PNLIP: variants seen among roughly 807,000 people sequenced by gnomAD.
The protein encoded by PNLIP is pancreatic lipase.
In PNLIP, 49 loss-of-function variants were observed where a neutral mutation model predicts 57.1. The ratio of observed to expected loss-of-function variants is 0.86; its 90% CI spans 0.68 to 1.09. The LOEUF (loss-of-function observed/expected upper bound fraction) is 1.09. Among genes scored for constraint, PNLIP ranks in the 50% least tolerant of loss-of-function variants. The pLI is 0.00. For missense variants in PNLIP, 503 were observed against 570.2 expected, an observed-to-expected ratio of 0.88 and a Z score of 1.20; for synonymous variants, 209 against 200.4, an observed-to-expected ratio of 1.04 and a Z score of -0.36.
chr10:116,556,258 T>C (rs1847252798), intron 9 of PNLIP, 140 bp downstream of exon 9: 2 of 610,286 alleles, frequency 3.3e-6, no homozygotes, highest in Non-Finnish European at 5.9e-6. Context: ...TGTATTTAAA[T>C]AGTGATAAAT....
intron 3 of PNLIP, among the ~76,000 whole-genome samples, chr10:116,547,923 G>C (rs1339888039): frequency 2.6e-5 from 4 of 151,706 alleles, no homozygotes; most frequent in African/African-American, 9.7e-5. Flanking sequence ...TATTATTCTT[G>C]TCCTTCCTCT....
chr10:116,556,160 T>C (rs747758825), intron 9 of PNLIP, 42 bp downstream of exon 9: 17 of 1,102,750 alleles, frequency 1.5e-5, no homozygotes, highest in Admixed American at 1.2e-4. Flanking sequence ...TTTGTGACTG[T>C]CACTTCTCAT....
Position 116,546,226 on chromosome 10 carries a change from A to G in PNLIP, c.46+88A>G, listed in dbSNP as rs906238044. The G allele has an allele frequency of 2.7e-5, 29 of 1,090,854 alleles. No homozygotes were observed. The South Asian group carries it at 2.9e-4, about 11-fold the overall frequency. The allele number at this position is 1,090,854 out of a possible 1,614,324, so 67.6% of individuals were successfully genotyped here. On this transcript the variant is annotated intron_variant, in intron 2 of 12. Transcript: ENST00000369221. Reference sequence around the variant, plus strand: ...AGGGCAGCTGAATTCAGGCCGCAGTAATAACATGAAGATTTACTTCAAGGA... The same window carrying G: ...AGGGCAGCTGAATTCAGGCCGCAGTGATAACATGAAGATTTACTTCAAGGA...
chr10:116,559,079 C>A, intron 9 of PNLIP, 75 bp from the exon 10 acceptor site: 2 of 1,536,374 alleles, frequency 1.3e-6, no homozygotes, highest in Non-Finnish European at 1.7e-6. Flanking sequence ...ATTTGAATGG[C>A]GACAACATGT....
chr10:116,548,253 A>G, intron 3 of PNLIP, 107 bp from the exon 4 acceptor site: 1 of 1,025,306 alleles, frequency 9.8e-7, no homozygotes, highest in Non-Finnish European at 1.4e-6. Flanking sequence ...ATTATTCACA[A>G]GGATCCTGAA....
At chr10:116,554,323 T>C (rs572815292) in intron 6 of PNLIP, among the ~76,000 whole-genome samples, 27 of 152,342 alleles carry the variant, frequency 1.8e-4, no homozygotes, top group African/African-American at 6.3e-4. Flanking sequence ...CTGAAATTTG[T>C]ATAACTAATT....
At position 116,561,475 on chromosome 10, in the gene PNLIP, C is replaced by A. The variant is rs1385113437; in HGVS notation, c.1173C>A (p.Gly391=). The A allele has an allele frequency of 1.9e-6, 3 of 1,609,564 alleles. No individual in the cohort carries two copies. The highest frequency in any genetic ancestry group is 1.7e-5 in the Admixed American group (1 of 59,368). ...TGTTAACTTCTTAAATCCTTAGGGGCACTCTCAAACCAGATAGTACTCATT... is the reference window on the plus strand; with the variant it reads ...TGTTAACTTCTTAAATCCTTAGGGGAACTCTCAAACCAGATAGTACTCATT... ...GNSKQYEIFK[G]TLKPDSTHSN... Residue 391 remains glycine, a synonymous_variant, in exon 12 of 13, where the codon GGC becomes GGA. Transcript: ENST00000369221.
At chr10:116,549,534 C>A (rs1847168203) in intron 4 of PNLIP, among the ~76,000 whole-genome samples, 1 of 151,934 alleles carries the variant, frequency 6.6e-6, no homozygotes, top group East Asian at 1.9e-4. Flanking sequence ...AGTTTCAGGT[C>A]TGCCTCTGGC....
intron 11 of PNLIP, 53 bp from the exon 12 acceptor site, chr10:116,561,419 A>G: frequency 7.5e-7 from 1 of 1,325,562 alleles, no homozygotes. Flanking sequence ...ATATATATGT[A>G]TATATTTACA....
At chr10:116,551,392 T>A in intron 5 of PNLIP, 160 bp downstream of exon 5, 1 of 485,544 alleles carries the variant, frequency 2.1e-6, no homozygotes, top group Non-Finnish European at 3.3e-6. Context: ...AAAAAAAATC[T>A]AGCTTTGGGT....
At chr10:116,556,663 C>A (rs1221134820) in intron 9 of PNLIP, among the ~76,000 whole-genome samples, 2 of 150,700 alleles carry the variant, frequency 1.3e-5, no homozygotes, top group Non-Finnish European at 1.5e-5. Context: ...TAAATGTGTG[C>A]TGTAGTGGCT....
At chr10:116,557,569 C>T (rs1377139112) in intron 9 of PNLIP, among the ~76,000 whole-genome samples, 2 of 152,196 alleles carry the variant, frequency 1.3e-5, no homozygotes, top group East Asian at 3.9e-4. Flanking sequence ...ATTCTTCTGG[C>T]TCTAGCAATG....
chr10:116,552,841 G>A (rs1442112962), intron 5 of PNLIP, among the ~76,000 whole-genome samples: 2 of 152,024 alleles, frequency 1.3e-5, no homozygotes, highest in African/African-American at 2.4e-5. Context: ...AGCTGAGATC[G>A]TGCCACTGCA....
intron 6 of PNLIP, 74 bp from the exon 7 acceptor site, chr10:116,555,104 C>T: frequency 1.3e-6 from 2 of 1,516,710 alleles, no homozygotes; most frequent in Non-Finnish European, 1.8e-6. Context: ...CCTTTCCATG[C>T]ATAACTCATA....
At chr10:116,549,145 T>C (rs1298117924) in intron 4 of PNLIP, among the ~76,000 whole-genome samples, 1 of 152,168 alleles carries the variant, frequency 6.6e-6, no homozygotes, top group African/African-American at 2.4e-5. Flanking sequence ...TGACCTGCTG[T>C]CGCACAAAGG....
intron 12 of PNLIP, among the ~76,000 whole-genome samples, chr10:116,561,859 T>C (rs1243674730): frequency 1.3e-5 from 2 of 152,194 alleles, no homozygotes; most frequent in Non-Finnish European, 2.9e-5. Flanking sequence ...ACAAATTAAA[T>C]GTTAGAATGA....
At chr10:116,565,249 C>CAAAA (rs71010093) in intron 12 of PNLIP, among the ~76,000 whole-genome samples, 1,234 of 33,136 alleles carry the variant, frequency 0.037, 218 homozygotes, top group African/African-American at 0.07. Context: ...GACAATGTCT[C>CAAAA]AAAAAAAAAA....
intron 6 of PNLIP, 115 bp downstream of exon 6, chr10:116,553,953 A>G (rs1589556241): frequency 3.7e-6 from 2 of 537,908 alleles, no homozygotes; most frequent in Non-Finnish European, 6.4e-6. Context: ...TTAAAAAAAA[A>G]AAAAAGAAAA....
At chr10:116,548,313 T>C (rs1847152541) in intron 3 of PNLIP, 47 bp from the exon 4 acceptor site, 3 of 1,602,030 alleles carry the variant, frequency 1.9e-6, no homozygotes, top group African/African-American at 1.3e-5. Context: ...AATGGTTCTA[T>C]TGGCTACTAT....
Sources: allele counts gnomAD v4.1 joint callset (sites outside exome capture counted in the v4.1 genomes callset), GRCh38; gene constraint gnomAD v4.1.1; transcripts MANE v1.5; gene names NCBI Gene and HGNC (gene_info 2026-07-23, HGNC 2026-07-21).